The following DNAH17 variants were observed in gnomAD, a reference collection of about 807,000 sequenced individuals.
DNAH17 encodes the protein dynein axonemal heavy chain 17, also known as axonemal beta dynein heavy chain 17.
DNAH17 carries 376 observed loss-of-function variants against 485.6 expected under a neutral mutation model. The ratio of observed to expected loss-of-function variants is 0.77; its 90% CI spans 0.71 to 0.84. DNAH17 has a LOEUF of 0.84. Among genes scored for constraint, DNAH17 ranks in the 40% least tolerant of loss-of-function variants. The pLI is 0.00. For missense variants in DNAH17, 6,370 were observed against 5,839.3 expected (o/e 1.09, Z -2.96); for synonymous variants, 3,031 against 2,405.9 (o/e 1.26, Z -7.60).
intron 25 of DNAH17, among the ~76,000 whole-genome samples, chr17:78,516,633 C>T (rs991460152): frequency 4.8e-5 from 7 of 145,212 alleles, no homozygotes; most frequent in African/African-American, 1.0e-4. Flanking sequence ...GAGGTTGCAG[C>T]GAGTGGACAT....
chr17:78,573,340 G>A (rs947837756), intron 2 of DNAH17, among the ~76,000 whole-genome samples: 1 of 152,100 alleles, frequency 6.6e-6, no homozygotes, highest in African/African-American at 2.4e-5. Context: ...GCTCATACCT[G>A]TAAATCCTAG....
Position 78,485,757 on chromosome 17 carries a change from C to T in DNAH17, c.7276G>A (p.Ala2426Thr), listed in dbSNP as rs1451602620. ...FELDPDVPLQ[A>T]SLVHTTETIR... ...GTTTCCGTGGTGTGGACCAAAGAGG[C>T]CTGGGGCAGGGGAGGGAAGGGGAGG... Residue 2426 changes from alanine to threonine, a missense_variant and splice_region_variant, in exon 47 of 81, where the codon GCC (alanine) becomes ACC (threonine). Transcript: ENST00000389840. 1.2e-6 allele frequency: 2 copies of T among 1,606,624 alleles called. No homozygotes were observed. Among genetic ancestry groups the T allele is most frequent in the African/African-American group, 1.4e-5 (1 of 69,122 alleles).
chr17:78,526,391 C>A (rs1239798879), intron 24 of DNAH17, among the ~76,000 whole-genome samples: 1 of 152,128 alleles, frequency 6.6e-6, no homozygotes, highest in Non-Finnish European at 1.5e-5. Flanking sequence ...AGCCGTGGGC[C>A]TGGAGCCATG....
chr17:78,561,230 C>G (rs1430815477), intron 12 of DNAH17, among the ~76,000 whole-genome samples: 3 of 152,066 alleles, frequency 2.0e-5, no homozygotes, highest in Non-Finnish European at 2.9e-5. Flanking sequence ...CTTTCCTTCT[C>G]CCTTCCAACC....
intron 1 of DNAH17, 62 bp from the exon 2 acceptor site, chr17:78,575,144 C>G: frequency 9.4e-7 from 1 of 1,066,506 alleles, no homozygotes. Context: ...TCCCACCCAT[C>G]CCTGGCACCG....
Position 78,538,742 on chromosome 17 carries a change from C to T in DNAH17, c.2676+995G>A, listed in dbSNP as rs185710620. ...GACAGTCTGTAGTGACGAGTACTTTCGTCAACTGAATTTTGGGTCTGTGAC... is the reference window on the plus strand; with the variant it reads ...GACAGTCTGTAGTGACGAGTACTTTTGTCAACTGAATTTTGGGTCTGTGAC... On this transcript the variant is annotated intron_variant, in intron 18 of 80. Transcript: ENST00000389840. Among the ~76,000 whole-genome samples the T allele has an allele frequency of 9.9e-3, 1,509 of 152,212 alleles. 10 individuals carry two copies. Among genetic ancestry groups the T allele is most frequent in the Non-Finnish European group, 0.014 (951 of 68,026 alleles).
chr17:78,494,874 C>T, intron 39 of DNAH17, 54 bp from the exon 40 acceptor site: 1 of 1,571,940 alleles, frequency 6.4e-7, no homozygotes, highest in African/African-American at 1.3e-5. Flanking sequence ...CTGTGGCCAG[C>T]AGGCAGGTCT....
chr17:78,502,267 TC>T, intron 33 of DNAH17: 1 of 228,232 alleles, frequency 4.4e-6, no homozygotes, highest in Non-Finnish European at 8.0e-6. Flanking sequence ...AAATTCTCCT[TC>T]TTTTCAAGAT....
chr17:78,517,400 G>T (rs1315487480), intron 25 of DNAH17, among the ~76,000 whole-genome samples: 1 of 152,172 alleles, frequency 6.6e-6, no homozygotes, highest in African/African-American at 2.4e-5. Context: ...AACTATTTTT[G>T]AAAACAGATG....
rs749076119 is a variant in DNAH17 at position 78,428,498 on chromosome 17, G to A, written c.12588+27C>T. 13 of 1,567,018 alleles carry A rather than the reference G, an allele frequency of 8.3e-6. No homozygotes were observed. The East Asian group carries it at 9.5e-5, about 11-fold the overall frequency. On this transcript the variant is annotated intron_variant, in intron 77 of 80. Coordinates refer to ENST00000389840, the MANE Select transcript of DNAH17 (RefSeq NM_173628.4). Reference sequence around the variant, plus strand: ...GTTCTAGATCCTCCCCCTTCCTCTCGCTTGGGAGCAGTTTCAAAGATCCTG... The same window carrying A: ...GTTCTAGATCCTCCCCCTTCCTCTCACTTGGGAGCAGTTTCAAAGATCCTG...
chr17:78,505,935 G>T (rs8082068), intron 30 of DNAH17, among the ~76,000 whole-genome samples: 1 of 152,030 alleles, frequency 6.6e-6, no homozygotes, highest in Non-Finnish European at 1.5e-5. Flanking sequence ...CCGAGATCGC[G>T]CCATTGCACT....
chr17:78,547,823 G>A lies in DNAH17; in HGVS notation c.2391+3712C>T, dbSNP rs181662136. On this transcript the variant is annotated intron_variant, in intron 16 of 80. Coordinates refer to ENST00000389840, the MANE Select transcript of DNAH17 (RefSeq NM_173628.4). ...AGTAGAGACAGGGTTTCGCCATGTG[G>A]GCCAGGCTGGTCTTGAACTCCTGAC... Among the ~76,000 whole-genome samples, 7 of 152,068 alleles carry A rather than the reference G, an allele frequency of 4.6e-5. No homozygotes were observed. The East Asian group carries it at 1.4e-3, about 29-fold the overall frequency.
intron 25 of DNAH17, among the ~76,000 whole-genome samples, chr17:78,524,064 A>T (rs2091000800): frequency 6.6e-6 from 1 of 152,194 alleles, no homozygotes; most frequent in South Asian, 2.1e-4. Flanking sequence ...CTTACCTCGT[A>T]TTAGGAGGCA....
At chr17:78,534,192 G>A (rs9914981) in intron 19 of DNAH17, among the ~76,000 whole-genome samples, 83,387 of 152,130 alleles carry the variant, frequency 0.55, 24,232 homozygotes, top group African/African-American at 0.75. Context: ...CCAGGGTCAG[G>A]TACCAGACAA....
intron 71 of DNAH17, 110 bp downstream of exon 71, chr17:78,444,494 A>G: frequency 9.3e-7 from 1 of 1,071,252 alleles, no homozygotes; most frequent in South Asian, 1.7e-5. Flanking sequence ...AGAAGAAAAA[A>G]GTTCAGGGGA....
chr17:78,486,986 CTTTTTTTTTTTT>C (rs200078316), intron 44 of DNAH17, among the ~76,000 whole-genome samples: 2 of 128,572 alleles, frequency 1.6e-5, no homozygotes, highest in Admixed American at 7.8e-5. Context: ...CCCCTTGGTG[CTTTTTTTTTTTT>C]TTTTTTTTTA....
intron 20 of DNAH17, among the ~76,000 whole-genome samples, chr17:78,532,056 C>T (rs533508239): frequency 9.8e-4 from 149 of 152,330 alleles, no homozygotes; most frequent in Non-Finnish European, 1.2e-3. Context: ...GTTTTACCTT[C>T]TGGGCTGCTA....
intron 11 of DNAH17, among the ~76,000 whole-genome samples, chr17:78,563,416 CTCT>C (rs2092200671): frequency 1.3e-5 from 2 of 152,024 alleles, no homozygotes; most frequent in African/African-American, 4.8e-5. Context: ...AAAAATGTTC[CTCT>C]TAATGGTTTA....
chr17:78,490,692 C>A lies in DNAH17; in HGVS notation c.6818+7G>T. 2 of 1,603,488 alleles carry A rather than the reference C, an allele frequency of 1.2e-6. No individual in the cohort carries two copies. Among genetic ancestry groups the A allele is most frequent in the Non-Finnish European group, 1.7e-6 (2 of 1,174,002 alleles). On this transcript the variant is annotated splice_region_variant and intron_variant, in intron 44 of 80. Transcript: ENST00000389840. ...GTTTGGAACAGGAAAGCCAAAGCCC[C>A]ACTCACGGGTTCCATCCCAGGTCGG... is the stretch of plus-strand genomic sequence containing the variant.
Sources: gnomAD v4.1 joint callset for allele counts (sites outside exome capture counted in the v4.1 genomes callset) on GRCh38, gnomAD v4.1.1 for gene constraint, MANE v1.5 for transcripts, NCBI Gene and HGNC (gene_info 2026-07-23, HGNC 2026-07-21) for gene names.